NBAS: variants seen among roughly 807,000 people sequenced by gnomAD.
NBAS encodes NBAS subunit of NRZ tethering complex.
NBAS carries 219 observed loss-of-function variants against 302.5 expected under a neutral mutation model. That is an observed-to-expected ratio of 0.72 (90% confidence interval 0.65 to 0.81). The LOEUF is 0.81. NBAS is among the 30% of genes least tolerant of loss of function. The pLI is 0.00. For missense variants in NBAS, 2,932 were observed against 2,841.6 expected, an observed-to-expected ratio of 1.03 and a Z score of -0.72; for synonymous variants, 1,118 against 1,021.6, an observed-to-expected ratio of 1.09 and a Z score of -1.80.
chr2:15,550,490 C>T (rs1053511651), intron 6 of NBAS, among the ~76,000 whole-genome samples: 1 of 152,176 alleles, frequency 6.6e-6, no homozygotes, highest in African/African-American at 2.4e-5. Context: ...CAAGATCAGA[C>T]AGATGGAACT....
At chr2:15,539,924 CAT>C (rs1177441680) in intron 6 of NBAS, among the ~76,000 whole-genome samples, 2 of 151,990 alleles carry the variant, frequency 1.3e-5, no homozygotes, top group African/African-American at 2.4e-5. Context: ...ATCAAGAACT[CAT>C]GAGTCAATCA....
chr2:15,483,531 G>GA (rs1212246123), intron 12 of NBAS, among the ~76,000 whole-genome samples: 3 of 152,156 alleles, frequency 2.0e-5, no homozygotes, highest in African/African-American at 7.2e-5. Flanking sequence ...GGAAATGTTT[G>GA]AAATGAAAAT....
At chr2:15,131,547 AT>A in the NBAS span, among the ~76,000 whole-genome samples, 11 of 152,354 alleles carry the variant, frequency 7.2e-5, no homozygotes, top group South Asian at 1.4e-3. Flanking sequence ...ATCACAAAAC[AT>A]TATAGATGGT....
In NBAS at chr2:15,415,524, TAAG is replaced by T; in HGVS notation, c.2937+19_2937+21del. 1.2e-6 allele frequency: 2 copies of T among 1,611,370 alleles called. No individual in the cohort carries two copies. The highest frequency in any genetic ancestry group is 1.7e-6 in the Non-Finnish European group (2 of 1,177,502). ...GTAGGGGAAAAAGTGCCCAGAATTT[TAAG>T]AAGTTAGTTTCTACTTACATCTGGT... On this transcript the variant is annotated intron_variant, in intron 25 of 51. Coordinates refer to ENST00000281513, the MANE Select transcript of NBAS (RefSeq NM_015909.4).
In NBAS at chr2:15,212,505, C is replaced by T. The variant is rs1666458172; in HGVS notation, c.6432+6268G>A. 2.6e-5 allele frequency among the ~76,000 whole-genome samples: 4 copies of T among 152,222 alleles called. No individual in the cohort carries two copies. The South Asian group carries it at 8.3e-4, about 31-fold the overall frequency. On this transcript the variant is annotated intron_variant, in intron 48 of 51. Transcript: ENST00000281513. The stretch of plus-strand genomic sequence containing the variant: ...AAGAGCAGTGAGCCTTTCCTCACTG[C>T]TTCCAGACACAGTGGCTGCACGCCC...
chr2:15,555,647 T>C (rs1485725927), intron 3 of NBAS, among the ~76,000 whole-genome samples: 1 of 152,168 alleles, frequency 6.6e-6, no homozygotes, highest in Non-Finnish European at 1.5e-5. Context: ...TGAACTATAA[T>C]CTTTTTGAAA....
At chr2:15,480,170 T>C (rs554011028) in intron 12 of NBAS, among the ~76,000 whole-genome samples, 3 of 151,932 alleles carry the variant, frequency 2.0e-5, no homozygotes, top group African/African-American at 4.8e-5. Context: ...CAAGACCTCA[T>C]CTCCCCAAAA....
intron 38 of NBAS, among the ~76,000 whole-genome samples, chr2:15,324,722 G>A (rs1671984544): frequency 6.6e-6 from 1 of 152,144 alleles, no homozygotes; most frequent in Admixed American, 6.6e-5. Context: ...CACACAGGTG[G>A]CTCGAGGACC....
chr2:15,218,784 G>A lies in NBAS; in HGVS notation c.6421C>T (p.Pro2141Ser). The change falls in exon 48 of 52, where the codon CCC becomes TCC. Residue 2141 changes from proline (P) to serine (S), a missense_variant. By Grantham distance (74) the Pro-to-Ser change is moderately conservative (BLOSUM62 -1). Coordinates refer to ENST00000281513, the MANE Select transcript of NBAS (RefSeq NM_015909.4). ...AGACACTCCCTTACCTGTCTCTGGG[G>A]CCAGGAGGCTTTGAGAATGGCTTCA... ...RTEAILKASW[P>S]QRQVDIADIE... is the part of the protein sequence containing the mutation. The A allele has an allele frequency of 1.2e-6, 2 of 1,614,226 alleles. No homozygotes were observed. Among genetic ancestry groups the A allele is most frequent in the South Asian group, 2.2e-5 (2 of 91,084 alleles).
At chr2:15,274,106 C>A (rs746526644) in intron 44 of NBAS, among the ~76,000 whole-genome samples, 2 of 151,834 alleles carry the variant, frequency 1.3e-5, no homozygotes, top group Non-Finnish European at 2.9e-5. Context: ...CCTTATTTTT[C>A]TCTTTAAAAA....
the NBAS span, among the ~76,000 whole-genome samples, chr2:14,969,815 A>C: frequency 1.2e-3 from 187 of 152,312 alleles, no homozygotes; most frequent in African/African-American, 4.2e-3. Context: ...AATTAACTTC[A>C]AATAGGTCCC....
At chr2:15,502,455 T>C (rs74570179) in intron 11 of NBAS, among the ~76,000 whole-genome samples, 2,949 of 152,320 alleles carry the variant, frequency 0.019, 69 homozygotes, top group East Asian at 0.057. Context: ...TACACAAATC[T>C]AGATGGGATA....
At chr2:15,290,791 A>T (rs1291922209) in intron 41 of NBAS, among the ~76,000 whole-genome samples, 2 of 152,238 alleles carry the variant, frequency 1.3e-5, no homozygotes, top group Non-Finnish European at 1.5e-5. Flanking sequence ...GAGAAAAACA[A>T]TTCCATATTT....
In NBAS at chr2:15,424,855, T is replaced by C. The variant is rs577145672; in HGVS notation, c.2424-387A>G. Reference sequence around the variant, plus strand: ...CTGTGCTGGCCAGCCAGGCCTAGTTTAGGAAAATATCCCCAGTGATTCCAA... The same window carrying C: ...CTGTGCTGGCCAGCCAGGCCTAGTTCAGGAAAATATCCCCAGTGATTCCAA... On this transcript the variant is annotated intron_variant, in intron 22 of 51. Transcript: ENST00000281513. Among the ~76,000 whole-genome samples, 74 of 152,302 alleles carry C rather than the reference T, an allele frequency of 4.9e-4. 1 individual carries two copies. The highest frequency in any genetic ancestry group is 1.7e-3 in the African/African-American group (70 of 41,558).
chr2:15,085,793 C>A, the NBAS span, among the ~76,000 whole-genome samples: 2 of 152,200 alleles, frequency 1.3e-5, no homozygotes, highest in African/African-American at 4.8e-5. Context: ...AAACGTGGAG[C>A]AGGGGTGCAC....
intron 40 of NBAS, among the ~76,000 whole-genome samples, chr2:15,303,907 T>C (rs1001396469): frequency 1.3e-5 from 2 of 152,170 alleles, no homozygotes; most frequent in African/African-American, 4.8e-5. Context: ...TTGCTGCCAG[T>C]CTAATCCACA....
At chr2:15,177,121 T>C (rs542387410) in intron 51 of NBAS, among the ~76,000 whole-genome samples, 1 of 152,200 alleles carries the variant, frequency 6.6e-6, no homozygotes, top group African/African-American at 2.4e-5. Flanking sequence ...AATTTATACC[T>C]GTGGCTTTGA....
intron 40 of NBAS, among the ~76,000 whole-genome samples, chr2:15,300,469 G>A (rs1265487273): frequency 1.3e-5 from 2 of 152,188 alleles, no homozygotes; most frequent in East Asian, 3.8e-4. Context: ...GGCAGTCAAT[G>A]AAAAACTCCT....
the NBAS span, among the ~76,000 whole-genome samples, chr2:14,982,674 A>G: frequency 2.6e-5 from 4 of 152,232 alleles, no homozygotes; most frequent in Admixed American, 2.6e-4. Context: ...GGAATGCCTG[A>G]GAAAAATAAG....
Sources: allele counts gnomAD v4.1 joint callset (sites outside exome capture counted in the v4.1 genomes callset), GRCh38; gene constraint gnomAD v4.1.1; transcripts MANE v1.5; gene names NCBI Gene and HGNC (gene_info 2026-07-23, HGNC 2026-07-21).